PPM1L: variants seen among roughly 807,000 people sequenced by gnomAD.
PPM1L encodes protein phosphatase 1L.
In PPM1L, 13 loss-of-function variants were observed where a neutral mutation model predicts 31.4. That is an observed-to-expected ratio of 0.41 (90% CI 0.27 to 0.66). PPM1L has a LOEUF of 0.66. Ranked by LOEUF, PPM1L falls within the 30% of genes least tolerant of loss-of-function variation. The probability of loss-of-function intolerance (pLI) is 0.29; values close to 1 mark genes in which losing one functional copy is unlikely to be tolerated. For missense variants in PPM1L, 326 were observed against 453.7 expected (o/e 0.72, Z 2.56); for synonymous variants, 184 against 175.4 (o/e 1.05, Z -0.39).
At position 160,780,514 on chromosome 3, in the gene PPM1L, G is replaced by T. The variant is rs536953612; in HGVS notation, c.399+23807G>T. Among the ~76,000 whole-genome samples the T allele has an allele frequency of 2.0e-5, 3 of 152,292 alleles. No homozygotes were observed. The East Asian group carries it at 5.8e-4, about 29-fold the overall frequency. ...CCAGACTTCTGTGGAATTATAAAAGGCTAATAAACAGCTGCTTGAGTGCAT... is the reference window on the plus strand; with the variant it reads ...CCAGACTTCTGTGGAATTATAAAAGTCTAATAAACAGCTGCTTGAGTGCAT... On this transcript the variant is annotated intron_variant, in intron 1 of 3. Transcript: ENST00000498165.
At chr3:161,003,315 A>G (rs80294021) in intron 2 of PPM1L, among the ~76,000 whole-genome samples, 81,934 of 144,476 alleles carry the variant, frequency 0.57, 24,474 homozygotes, top group East Asian at 0.92. Context: ...TTGACTTGGC[A>G]ATGTGGGCTC....
At chr3:160,892,804 A>C (rs573674391) in intron 1 of PPM1L, among the ~76,000 whole-genome samples, 7 of 152,312 alleles carry the variant, frequency 4.6e-5, no homozygotes, top group Middle Eastern at 6.8e-3. Flanking sequence ...AGAAAAGATA[A>C]ATTTAAAGAT....
chr3:160,852,155 C>T lies in PPM1L; in HGVS notation c.399+95448C>T, dbSNP rs565000435. On this transcript the variant is annotated intron_variant, in intron 1 of 3. Coordinates refer to ENST00000498165, the MANE Select transcript of PPM1L (RefSeq NM_139245.4). ...GAAGATGCTGGCTATTATCTCTCCT[C>T]AGAAGGAAATTGTTGATAAGAAACC... 2.0e-5 allele frequency among the ~76,000 whole-genome samples: 3 copies of T among 152,246 alleles called. No individual in the cohort carries two copies. In the South Asian group the frequency reaches 6.2e-4, roughly 32 times the overall value.
chr3:160,938,502 C>A (rs537117586), intron 1 of PPM1L, among the ~76,000 whole-genome samples: 15 of 152,258 alleles, frequency 9.9e-5, no homozygotes, highest in African/African-American at 2.9e-4. Context: ...ATTAGTCTAT[C>A]AATATTATGG....
At chr3:161,047,709 A>G (rs930995688) in intron 2 of PPM1L, among the ~76,000 whole-genome samples, 2 of 152,250 alleles carry the variant, frequency 1.3e-5, no homozygotes, top group African/African-American at 2.4e-5. Flanking sequence ...ATAGTAACCA[A>G]AACAGCCTGG....
intron 2 of PPM1L, among the ~76,000 whole-genome samples, chr3:161,019,561 T>G (rs1227097649): frequency 6.6e-6 from 1 of 152,150 alleles, no homozygotes; most frequent in African/African-American, 2.4e-5. Flanking sequence ...AACAGCTGGT[T>G]TTTAGCTACT....
At chr3:160,801,318 G>A (rs1340354943) in intron 1 of PPM1L, among the ~76,000 whole-genome samples, 2 of 152,090 alleles carry the variant, frequency 1.3e-5, no homozygotes, top group South Asian at 2.1e-4. Flanking sequence ...TCCTGAATAC[G>A]AACATAAAAC....
At chr3:161,015,053 G>T (rs747317450) in intron 2 of PPM1L, among the ~76,000 whole-genome samples, 1 of 151,610 alleles carries the variant, frequency 6.6e-6, no homozygotes, top group Non-Finnish European at 1.5e-5. Flanking sequence ...TCTTTTAGGT[G>T]TGTGTAGGGC....
At chr3:160,801,826 G>A (rs1576643934) in intron 1 of PPM1L, among the ~76,000 whole-genome samples, 1 of 152,266 alleles carries the variant, frequency 6.6e-6, no homozygotes, top group East Asian at 1.9e-4. Context: ...ATTATCTACA[G>A]ATTATATATG....
chr3:160,936,619 CCA>C (rs1181283900), intron 1 of PPM1L, among the ~76,000 whole-genome samples: 2 of 152,048 alleles, frequency 1.3e-5, no homozygotes, highest in African/African-American at 4.8e-5. Context: ...TGTAATTATG[CCA>C]GTTAGTTAAT....
intron 1 of PPM1L, among the ~76,000 whole-genome samples, chr3:160,819,742 G>A (rs1713136189): frequency 4.6e-5 from 7 of 151,934 alleles, no homozygotes; most frequent in Admixed American, 4.6e-4. Context: ...TTCTCTATCT[G>A]CTAGCATGGA....
At chr3:160,837,698 C>T (rs1023455167) in intron 1 of PPM1L, among the ~76,000 whole-genome samples, 12 of 152,106 alleles carry the variant, frequency 7.9e-5, no homozygotes, top group African/African-American at 2.9e-4. Context: ...ATTTAGATTG[C>T]CAAGCCTCGG....
Position 161,077,661 on chromosome 3 carries a change from G to A in PPM1L, c.*8504G>A, listed in dbSNP as rs1720148327. On this transcript the variant is annotated 3_prime_UTR_variant, in exon 4 of 4. Transcript: ENST00000498165. Reference sequence around the variant, plus strand: ...TGTTATATAGAAAGTTAACATTTCAGGAGCACAATTATTTCCTGATTTCAA... The same window carrying A: ...TGTTATATAGAAAGTTAACATTTCAAGAGCACAATTATTTCCTGATTTCAA... 6.6e-6 allele frequency: 1 copy of A among 152,168 alleles called. No individual in the cohort carries two copies. Among genetic ancestry groups the A allele is most frequent in the Non-Finnish European group, 1.5e-5 (1 of 68,030 alleles). 9.4% of individuals were successfully genotyped at this position (152,168 alleles called of 1,614,324 possible).
chr3:160,838,171 GCTGA>G (rs1449507087), intron 1 of PPM1L, among the ~76,000 whole-genome samples: 5 of 152,164 alleles, frequency 3.3e-5, no homozygotes, highest in African/African-American at 1.2e-4. Context: ...TCCTAGGCTG[GCTGA>G]CTAACTTCCT....
chr3:160,849,574 C>T (rs529486952), intron 1 of PPM1L, among the ~76,000 whole-genome samples: 110 of 152,054 alleles, frequency 7.2e-4, no homozygotes, highest in African/African-American at 2.4e-3. Flanking sequence ...GTGCCCACCA[C>T]CACGCCCGGC....
chr3:160,935,698 T>C lies in PPM1L; in HGVS notation c.400-26038T>C, dbSNP rs189787381. On this transcript the variant is annotated intron_variant, in intron 1 of 3. Coordinates refer to ENST00000498165, the MANE Select transcript of PPM1L (RefSeq NM_139245.4). ...GAGTCCTAATTGTACCAAATCAAAG[T>C]TCATTGAGTCAGCTAGGTCATTAAC... Among the ~76,000 whole-genome samples, 3 of 152,350 alleles carry C rather than the reference T, an allele frequency of 2.0e-5. No individual in the cohort carries two copies. In the East Asian group the frequency reaches 5.8e-4, roughly 29 times the overall value.
chr3:160,907,450 T>G (rs1319965932), intron 1 of PPM1L, among the ~76,000 whole-genome samples: 1 of 152,198 alleles, frequency 6.6e-6, no homozygotes, highest in African/African-American at 2.4e-5. Context: ...ATCATAACAT[T>G]ATTTTTAAAA....
At chr3:160,914,649 A>G (rs1340771105) in intron 1 of PPM1L, among the ~76,000 whole-genome samples, 1 of 152,066 alleles carries the variant, frequency 6.6e-6, no homozygotes, top group East Asian at 1.9e-4. Flanking sequence ...ATAGTATTCC[A>G]TGGTGTATAT....
At chr3:160,842,308 T>A (rs375698043) in intron 1 of PPM1L, 1 of 702,520 alleles carries the variant, frequency 1.4e-6, no homozygotes, top group African/African-American at 1.7e-5. Context: ...TAGATCTGTT[T>A]GGCTCTAATA....
Sources: allele counts gnomAD v4.1 joint callset (sites outside exome capture counted in the v4.1 genomes callset), GRCh38; gene constraint gnomAD v4.1.1; transcripts MANE v1.5; gene names NCBI Gene and HGNC (gene_info 2026-07-23, HGNC 2026-07-21).